Variants in COL5A1 observed in about 807,000 individuals in gnomAD.
The protein encoded by COL5A1 is collagen type V alpha 1 chain, also known as collagen alpha-1(V) chain.
Under a neutral mutation model 263.7 loss-of-function variants are expected in COL5A1, and 16 were observed. The ratio of observed to expected loss-of-function variants is 0.06; its 90% CI spans 0.04 to 0.09. COL5A1 has a LOEUF of 0.09. Among genes scored for constraint, COL5A1 ranks in the 10% least tolerant of loss-of-function variants. COL5A1 has a pLI of 1.00. For synonymous variants in COL5A1, 1,012 were observed against 1,004.5 expected, an observed-to-expected ratio of 1.01 and a Z score of -0.14; for missense variants, 2,036 against 2,540.5, an observed-to-expected ratio of 0.80 and a Z score of 4.27.
chr9:134,791,687 G>A (rs1008224772), intron 32 of COL5A1, among the ~76,000 whole-genome samples: 3 of 152,044 alleles, frequency 2.0e-5, no homozygotes, highest in Non-Finnish European at 2.9e-5. Context: ...TGCCTTCTGC[G>A]CCTCGGTGAA....
intron 46 of COL5A1, 25 bp downstream of exon 46, chr9:134,811,624 C>T (rs537389709): frequency 1.1e-5 from 16 of 1,498,420 alleles, no homozygotes; most frequent in Admixed American, 3.9e-5. Context: ...CTCACCACAC[C>T]GGGCTCCTCC....
intron 2 of COL5A1, among the ~76,000 whole-genome samples, chr9:134,695,659 A>T (rs963160940): frequency 7.2e-5 from 11 of 152,176 alleles, no homozygotes; most frequent in African/African-American, 2.2e-4. Flanking sequence ...GGGTCCCATG[A>T]AATAAGATGC....
intron 2 of COL5A1, among the ~76,000 whole-genome samples, chr9:134,697,490 G>A (rs1833520172): frequency 6.6e-6 from 1 of 152,140 alleles, no homozygotes. Context: ...GAATGACTCT[G>A]GCACTCAGGG....
chr9:134,825,740 G>C (rs908592146), intron 62 of COL5A1, 52 bp from the exon 63 acceptor site: 9 of 1,237,130 alleles, frequency 7.3e-6, no homozygotes, highest in Non-Finnish European at 1.1e-5. Context: ...GAACCATCCA[G>C]GGAGCAATCC....
chr9:134,707,442 C>G (rs1052420877), intron 4 of COL5A1, among the ~76,000 whole-genome samples: 1 of 152,270 alleles, frequency 6.6e-6, no homozygotes, highest in Non-Finnish European at 1.5e-5. Context: ...GGCTTTTCCA[C>G]TGACATGTTC....
chr9:134,694,203 C>G (rs934845305), intron 2 of COL5A1, among the ~76,000 whole-genome samples: 1 of 152,278 alleles, frequency 6.6e-6, no homozygotes, highest in African/African-American at 2.4e-5. Flanking sequence ...CACCCCTCGG[C>G]AAATCAGCAG....
At chr9:134,646,390 T>C (rs1005667027) in intron 1 of COL5A1, among the ~76,000 whole-genome samples, 1 of 152,168 alleles carries the variant, frequency 6.6e-6, no homozygotes, top group Non-Finnish European at 1.5e-5. Context: ...CTTCCTTTTA[T>C]TGCAGAAATG....
intron 58 of COL5A1, among the ~76,000 whole-genome samples, 193 bp downstream of exon 58, chr9:134,820,416 A>C (rs537457883): frequency 3.3e-4 from 51 of 152,280 alleles, no homozygotes; most frequent in African/African-American, 1.2e-3. Flanking sequence ...AGCTGGGCAG[A>C]GCCGTCTCCC....
Position 134,789,274 on chromosome 9 carries a change from C to A in COL5A1, c.2700+66C>A. 7.6e-7 allele frequency: 1 copy of A among 1,313,572 alleles called. No homozygotes were observed. The highest frequency in any genetic ancestry group is 1.1e-6 in the Non-Finnish European group (1 of 914,536). The allele number at this position is 1,313,572 out of a possible 1,614,324, so 81.4% of individuals were successfully genotyped here. A position where few individuals can be genotyped will look rare whatever the true frequency, so the allele number is the denominator to read the frequency against. ...TGCCTCGGTGCCTAGCAAGTTGGTT[C>A]TCCAGCCGACGGCCTGTTTATTTCT... On this transcript the variant is annotated intron_variant, in intron 32 of 65. Transcript: ENST00000371817. This position sits in a 1 kb window ranked among gnomAD's most constrained non-coding sequence, Gnocchi z 4.8.
chr9:134,654,115 G>T (rs1831801412), intron 1 of COL5A1, among the ~76,000 whole-genome samples: 1 of 143,452 alleles, frequency 7.0e-6, no homozygotes, highest in African/African-American at 2.6e-5. Flanking sequence ...AGTGTGTAGG[G>T]CTTAGGGTGT....
chr9:134,676,975 A>G (rs1020895883), intron 1 of COL5A1, among the ~76,000 whole-genome samples: 4 of 152,160 alleles, frequency 2.6e-5, no homozygotes, highest in African/African-American at 9.7e-5. Context: ...TCCCTTCCCT[A>G]AAGGAGCTCA....
intron 37 of COL5A1, among the ~76,000 whole-genome samples, chr9:134,800,521 G>C (rs1325720135): frequency 1.3e-5 from 2 of 152,184 alleles, no homozygotes; most frequent in African/African-American, 4.8e-5. Flanking sequence ...GAGATGGGCG[G>C]ATCACCTGAG....
intron 24 of COL5A1, 129 bp from the exon 25 acceptor site, chr9:134,768,281 T>G (rs1721321005): frequency 1.1e-6 from 1 of 873,734 alleles, no homozygotes; most frequent in Non-Finnish European, 2.0e-6. Context: ...AGGGACCCAG[T>G]GCCTCTGACC....
rs543115204 is a variant in COL5A1 at position 134,650,465 on chromosome 9, C to T, written c.109+8169C>T. 6.4e-4 allele frequency among the ~76,000 whole-genome samples: 97 copies of T among 152,364 alleles called. 1 individual carries two copies. Among genetic ancestry groups the T allele is most frequent in the South Asian group, 2.1e-3 (10 of 4,830 alleles). ...GCATTTATGGACCCCTAACATGAGA[C>T]GGACCTGTGCGGGGGGCACAGGTGA... On this transcript the variant is annotated intron_variant, in intron 1 of 65. Coordinates refer to ENST00000371817, the MANE Select transcript of COL5A1 (RefSeq NM_000093.5).
chr9:134,655,065 GAGGTGTGTAGGGCTA>G (rs1831905376), intron 1 of COL5A1, among the ~76,000 whole-genome samples: 1 of 134,586 alleles, frequency 7.4e-6, no homozygotes, highest in Non-Finnish European at 1.6e-5. Flanking sequence ...TGTAGGGCTG[GAGGTGTGTAGGGCTA>G]GGGGTGTGTA....
At position 134,730,224 on chromosome 9, in the gene COL5A1, C is replaced by T. The variant is rs1264743935; in HGVS notation, c.925-12C>T. 1.9e-6 allele frequency: 3 copies of T among 1,612,774 alleles called. No homozygotes were observed. The East Asian group carries it at 6.7e-5, about 36-fold the overall frequency. ...CGCCCTGACTCCAGCTGTCTCTGTC[C>T]TTGGCTCCCAGGAGCTGACCCCGAC... On this transcript the variant is annotated splice_polypyrimidine_tract_variant and intron_variant, in intron 6 of 65. Transcript: ENST00000371817.
At chr9:134,817,458 C>T (rs936621041) in intron 53 of COL5A1, among the ~76,000 whole-genome samples, 3 of 152,222 alleles carry the variant, frequency 2.0e-5, no homozygotes, top group African/African-American at 7.2e-5. Flanking sequence ...TAAACAGCTG[C>T]CTGGTGCACC....
rs1044799790 is a variant in COL5A1 at position 134,818,123 on chromosome 9, C to T, written c.4230+292C>T. ...GCTGAGTAGTTATGTCCCCCGGAGC[C>T]CTGCGACCTCATGCCTGGTCTTTGA... On this transcript the variant is annotated intron_variant, in intron 54 of 65. Coordinates refer to ENST00000371817, the MANE Select transcript of COL5A1 (RefSeq NM_000093.5). The surrounding 1 kb of genome is among the most constrained non-coding windows in gnomAD (Gnocchi z 6.0). Among the ~76,000 whole-genome samples, 1 of 152,192 alleles carries T rather than the reference C, an allele frequency of 6.6e-6. No homozygotes were observed. The highest frequency in any genetic ancestry group is 1.5e-5 in the Non-Finnish European group (1 of 68,024).
At chr9:134,826,693 TGTGGCTG>T (rs1235892907) in intron 63 of COL5A1, among the ~76,000 whole-genome samples, 2,004 of 133,926 alleles carry the variant, frequency 0.015, 46 homozygotes, top group African/African-American at 0.055. Context: ...GATGGGTGCG[TGTGGCTG>T]GTATGTGGGG....
Sources: gnomAD v4.1 joint callset for allele counts (sites outside exome capture counted in the v4.1 genomes callset) on GRCh38, gnomAD v4.1.1 for gene constraint, Gnocchi (gnomAD v3.1) non-coding constraint, MANE v1.5 for transcripts, NCBI Gene and HGNC (gene_info 2026-07-23, HGNC 2026-07-21) for gene names.